Variants in KATNAL2 observed in about 807,000 individuals in gnomAD.
The protein encoded by KATNAL2 is katanin catalytic subunit A1 like 2.
KATNAL2 carries 52 observed loss-of-function variants against 76.3 expected under a neutral mutation model. The observed-to-expected ratio is 0.68, with a 90% CI of 0.55 to 0.86. The LOEUF (loss-of-function observed/expected upper bound fraction) is 0.86. Ranked by LOEUF, KATNAL2 falls within the 40% of genes least tolerant of loss-of-function variation. KATNAL2 has a pLI of 0.00. For missense variants in KATNAL2, 660 were observed against 668.9 expected, an observed-to-expected ratio of 0.99 and a Z score of 0.15; for synonymous variants, 243 against 244.2, an observed-to-expected ratio of 1.00 and a Z score of 0.05.
At chr18:47,070,696 T>C (rs1163541006) in intron 13 of KATNAL2, among the ~76,000 whole-genome samples, 2 of 152,218 alleles carry the variant, frequency 1.3e-5, no homozygotes, top group Non-Finnish European at 1.5e-5. Flanking sequence ...CAAAATATGA[T>C]GGCCTATTTG....
intron 3 of KATNAL2, among the ~76,000 whole-genome samples, chr18:46,952,231 C>T (rs187665732): frequency 6.6e-6 from 1 of 151,916 alleles, no homozygotes; most frequent in Non-Finnish European, 1.5e-5. Context: ...CACCACCACA[C>T]CTGGTTAAAT....
chr18:47,084,216 T>C (rs779002402), intron 15 of KATNAL2: 1 of 591,902 alleles, frequency 1.7e-6, no homozygotes, highest in Non-Finnish European at 3.0e-6. Context: ...CTTTCTGTTA[T>C]CTATGTTAAC....
Position 47,075,360 on chromosome 18 carries a change from A to G in KATNAL2, c.1092A>G (p.Thr364=). The change falls in exon 14 of 18, where the codon ACA becomes ACG. Residue 364 remains threonine (T), a synonymous_variant. Coordinates refer to ENST00000683218, the MANE Select transcript of KATNAL2 (RefSeq NM_001387690.1). Reference sequence around the variant, plus strand: ...AGTCGGTGATGAGTCAGAGAGGCACAGCTTCTGGGTAACAGACAGGGTTGG... The same window carrying G: ...AGTCGGTGATGAGTCAGAGAGGCACGGCTTCTGGGTAACAGACAGGGTTGG... ...ELESVMSQRG[T]ASGGEHEGSL... The G allele has an allele frequency of 6.5e-7, 1 of 1,536,740 alleles. No individual in the cohort carries two copies. Among genetic ancestry groups the G allele is most frequent in the African/African-American group, 1.4e-5 (1 of 70,258 alleles).
chr18:47,069,682 T>C (rs1177658251), intron 13 of KATNAL2, 82 bp downstream of exon 13: 3 of 891,740 alleles, frequency 3.4e-6, no homozygotes, highest in Non-Finnish European at 5.3e-6. Flanking sequence ...TTCTTTGCTT[T>C]TAGGTGATTT....
intron 15 of KATNAL2, among the ~76,000 whole-genome samples, chr18:47,088,529 C>T (rs954555039): frequency 7.9e-5 from 12 of 152,244 alleles, no homozygotes; most frequent in Admixed American, 1.3e-4. Flanking sequence ...TGCCAGGTCT[C>T]ATTTATAATG....
chr18:47,052,635 C>T (rs531967431), intron 4 of KATNAL2, among the ~76,000 whole-genome samples: 14 of 152,330 alleles, frequency 9.2e-5, no homozygotes, highest in South Asian at 6.2e-4. Flanking sequence ...TCCTTAACAA[C>T]GGTGACATCA....
intron 1 of KATNAL2, among the ~76,000 whole-genome samples, chr18:46,937,777 T>C (rs1340248706): frequency 1.3e-5 from 2 of 152,146 alleles, no homozygotes; most frequent in Non-Finnish European, 2.9e-5. Flanking sequence ...TCCATCAACA[T>C]GATAGTAGAT....
chr18:47,085,408 T>C (rs1253673516), intron 15 of KATNAL2, among the ~76,000 whole-genome samples: 1 of 152,156 alleles, frequency 6.6e-6, no homozygotes, highest in Non-Finnish European at 1.5e-5. Context: ...ATAACCCTTT[T>C]TGAAAACTAT....
intron 1 of KATNAL2, among the ~76,000 whole-genome samples, chr18:46,930,067 C>T (rs1019762105): frequency 6.6e-6 from 1 of 152,200 alleles, no homozygotes; most frequent in African/African-American, 2.4e-5. Flanking sequence ...AGTCACTGCA[C>T]CTGGTCCTTA....
chr18:46,944,277 T>A (rs2059324497), intron 1 of KATNAL2, among the ~76,000 whole-genome samples: 1 of 152,196 alleles, frequency 6.6e-6, no homozygotes, highest in South Asian at 2.1e-4. Flanking sequence ...TCTGTACCCA[T>A]GGGTTTGGCA....
At chr18:46,918,082 G>GT (rs1400970892) in intron 1 of KATNAL2, 156 bp downstream of exon 1, 5 of 152,110 alleles carry the variant, frequency 3.3e-5, no homozygotes, top group African/African-American at 1.2e-4. Context: ...TGGGGTTGGG[G>GT]GCGGGGAGAA....
At chr18:47,060,461 A>T (rs1168307273) in intron 8 of KATNAL2, among the ~76,000 whole-genome samples, 1 of 152,188 alleles carries the variant, frequency 6.6e-6, no homozygotes, top group Non-Finnish European at 1.5e-5. Flanking sequence ...CTTTTTCATA[A>T]TGAATCTCAT....
At chr18:46,923,498 CTT>C (rs2058636622) in intron 1 of KATNAL2, among the ~76,000 whole-genome samples, 1 of 152,020 alleles carries the variant, frequency 6.6e-6, no homozygotes, top group Non-Finnish European at 1.5e-5. Flanking sequence ...GGTTCCAAGT[CTT>C]TGCTATTGTG....
intron 14 of KATNAL2, among the ~76,000 whole-genome samples, chr18:47,075,930 A>G (rs2062197110): frequency 6.6e-6 from 1 of 152,262 alleles, no homozygotes; most frequent in Admixed American, 6.5e-5. Context: ...AGGCAGGAAC[A>G]CTTCTCAGAC....
intron 15 of KATNAL2, among the ~76,000 whole-genome samples, chr18:47,090,987 A>G (rs773408789): frequency 6.6e-6 from 1 of 152,214 alleles, no homozygotes; most frequent in Non-Finnish European, 1.5e-5. Flanking sequence ...GACATACTGC[A>G]AAGACTTCAC....
chr18:47,046,842 A>T (rs1477172570), intron 4 of KATNAL2, among the ~76,000 whole-genome samples: 1 of 152,188 alleles, frequency 6.6e-6, no homozygotes, highest in African/African-American at 2.4e-5. Flanking sequence ...CGTAATGGCC[A>T]TGTATTTGCC....
At position 47,054,401 on chromosome 18, in the gene KATNAL2, A is replaced by G. The variant is rs2061415818; in HGVS notation, c.295A>G (p.Asn99Asp). 1.2e-6 allele frequency: 2 copies of G among 1,613,270 alleles called. No homozygotes were observed. The highest frequency in any genetic ancestry group is 3.3e-5 in the Admixed American group (2 of 60,000). The change falls in exon 6 of 18, where the codon AAT becomes GAT. Residue 99 changes from asparagine (N) to aspartate (D), a missense_variant. By Grantham distance (23) the Asn-to-Asp change is conservative. Transcript: ENST00000683218. Reference sequence around the variant, plus strand: ...CAATGTCTGTTTTGTCACAGCAGAAAATAATTTACCGCAAAGAAGTAGAGG... The same window carrying G: ...CAATGTCTGTTTTGTCACAGCAGAAGATAATTTACCGCAAAGAAGTAGAGG... ...IVKKSSDTAE[N>D]NLPQRSRGKT...
rs34034453 is a variant in KATNAL2 at position 47,084,847 on chromosome 18, T to TAAAAAAAAAAAA, written c.1211+7403_1211+7414dup. Reference sequence around the variant, plus strand: ...CTGGATGACAGAGCAAGACTCTGTCTAAAAAAAAAAAAAAAAAAAAAAAAA... The same window carrying TAAAAAAAAAAAA: ...CTGGATGACAGAGCAAGACTCTGTCTAAAAAAAAAAAAAAAAAAAAAAAAAAAAAAAAAAAAA... On this transcript the variant is annotated intron_variant, in intron 15 of 17. Transcript: ENST00000683218. Among the ~76,000 whole-genome samples the TAAAAAAAAAAAA allele has an allele frequency of 6.3e-3, 161 of 25,538 alleles. 34 individuals are homozygous for TAAAAAAAAAAAA. Among genetic ancestry groups the TAAAAAAAAAAAA allele is most frequent in the Non-Finnish European group, 9.7e-3 (150 of 15,434 alleles). The allele number at this position is 25,538 out of a possible 152,430, so 16.8% of individuals were successfully genotyped here.
chr18:46,924,540 G>T (rs1237329623), intron 1 of KATNAL2, among the ~76,000 whole-genome samples: 1 of 152,154 alleles, frequency 6.6e-6, no homozygotes, highest in East Asian at 1.9e-4. Context: ...TTTGGCTTAG[G>T]ATTGATTTGA....
Sources: gnomAD v4.1 joint callset for allele counts (sites outside exome capture counted in the v4.1 genomes callset) on GRCh38, gnomAD v4.1.1 for gene constraint, MANE v1.5 for transcripts, NCBI Gene and HGNC (gene_info 2026-07-23, HGNC 2026-07-21) for gene names.